MACROD2: variants seen among roughly 807,000 people sequenced by gnomAD.
The protein encoded by MACROD2 is mono-ADP ribosylhydrolase 2.
Under a neutral mutation model 70.4 loss-of-function variants are expected in MACROD2, and 36 were observed. The ratio of observed to expected loss-of-function variants is 0.51; its 90% CI spans 0.39 to 0.68. The LOEUF is 0.68. MACROD2 is among the 30% of genes least tolerant of loss of function. The pLI is 0.00. For missense variants in MACROD2, 496 were observed against 538.4 expected (o/e 0.92, Z 0.78); for synonymous variants, 172 against 178.8 (o/e 0.96, Z 0.30).
intron 5 of MACROD2, among the ~76,000 whole-genome samples, chr20:14,797,640 C>A (rs1391937595): frequency 6.6e-6 from 1 of 152,102 alleles, no homozygotes; most frequent in Non-Finnish European, 1.5e-5. Flanking sequence ...CCGGGTTCAG[C>A]CCTATCCCTT....
intron 5 of MACROD2, among the ~76,000 whole-genome samples, chr20:14,906,723 C>A (rs6074815): frequency 6.6e-6 from 1 of 152,096 alleles, no homozygotes; most frequent in African/African-American, 2.4e-5. Flanking sequence ...AATAAAAGAA[C>A]AGGATCTTTT....
At chr20:15,407,804 G>C (rs1368600865) in intron 6 of MACROD2, among the ~76,000 whole-genome samples, 1 of 152,204 alleles carries the variant, frequency 6.6e-6, no homozygotes, top group Non-Finnish European at 1.5e-5. Context: ...ATAAGGTCAG[G>C]TGTAGTTACT....
chr20:14,654,215 G>A (rs958030657), intron 4 of MACROD2, among the ~76,000 whole-genome samples: 1 of 151,876 alleles, frequency 6.6e-6, no homozygotes, highest in East Asian at 1.9e-4. Flanking sequence ...AGCCACATCA[G>A]TTACAGTTAT....
intron 8 of MACROD2, among the ~76,000 whole-genome samples, chr20:15,597,308 G>A (rs1311974942): frequency 6.6e-6 from 1 of 152,212 alleles, no homozygotes. Flanking sequence ...CATGAAAAAT[G>A]TAAAAGATTA....
intron 8 of MACROD2, among the ~76,000 whole-genome samples, chr20:15,537,741 T>TCCCCAAAA (rs1275779698): frequency 6.6e-6 from 1 of 152,180 alleles, no homozygotes; most frequent in African/African-American, 2.4e-5. Flanking sequence ...CCCAAAGTGC[T>TCCCCAAAA]GGGATTACAG....
At chr20:15,359,578 C>G (rs2078328453) in intron 6 of MACROD2, among the ~76,000 whole-genome samples, 1 of 151,180 alleles carries the variant, frequency 6.6e-6, no homozygotes, top group South Asian at 2.1e-4. Context: ...TTCCTGCTCT[C>G]AAGACTTGGA....
intron 5 of MACROD2, among the ~76,000 whole-genome samples, chr20:14,943,629 A>C (rs2074407712): frequency 6.6e-6 from 1 of 152,164 alleles, no homozygotes; most frequent in African/African-American, 2.4e-5. Context: ...GATTCCCCCT[A>C]AACAAAGTAA....
chr20:14,154,990 C>T (rs1232141242), intron 3 of MACROD2, among the ~76,000 whole-genome samples: 1 of 152,168 alleles, frequency 6.6e-6, no homozygotes, highest in Non-Finnish European at 1.5e-5. Context: ...CTCACCAGCA[C>T]TCAACACTGG....
intron 7 of MACROD2, among the ~76,000 whole-genome samples, chr20:15,492,791 A>G (rs191565064): frequency 6.6e-6 from 1 of 152,318 alleles, no homozygotes; most frequent in Admixed American, 6.5e-5. Flanking sequence ...AAGAGTTGGC[A>G]GGAATAGAGA....
chr20:15,459,422 T>G (rs1032660581), intron 7 of MACROD2, among the ~76,000 whole-genome samples: 1 of 152,150 alleles, frequency 6.6e-6, no homozygotes, highest in East Asian at 1.9e-4. Context: ...CTGAAACAGC[T>G]TCTTAATACC....
chr20:14,949,829 A>G (rs537270008), intron 5 of MACROD2, among the ~76,000 whole-genome samples: 10 of 152,270 alleles, frequency 6.6e-5, no homozygotes, highest in Middle Eastern at 3.4e-3. Flanking sequence ...CACTTAATGT[A>G]TCTTATCTCT....
At chr20:15,689,873 AG>A (rs2050277078) in intron 8 of MACROD2, among the ~76,000 whole-genome samples, 1 of 152,212 alleles carries the variant, frequency 6.6e-6, no homozygotes, top group African/African-American at 2.4e-5. Flanking sequence ...TGACATCAGA[AG>A]TCAGTCCATG....
chr20:15,723,201 C>T (rs1212446659), intron 8 of MACROD2, among the ~76,000 whole-genome samples: 1 of 152,160 alleles, frequency 6.6e-6, no homozygotes, highest in African/African-American at 2.4e-5. Context: ...GTACCCACCA[C>T]CCCCACACAA....
chr20:14,423,258 TG>T (rs2122900626), intron 3 of MACROD2, among the ~76,000 whole-genome samples: 1 of 152,230 alleles, frequency 6.6e-6, no homozygotes. Context: ...GGTTTTTTTT[TG>T]TTTTTGTTTT....
intron 15 of MACROD2, among the ~76,000 whole-genome samples, chr20:15,994,877 A>G (rs376748862): frequency 2.0e-5 from 3 of 152,320 alleles, no homozygotes; most frequent in South Asian, 4.1e-4. Context: ...GATAAATTGT[A>G]TCATCGTGTC....
intron 5 of MACROD2, among the ~76,000 whole-genome samples, chr20:14,778,942 A>G (rs1425618845): frequency 6.6e-6 from 1 of 152,122 alleles, no homozygotes; most frequent in African/African-American, 2.4e-5. Flanking sequence ...CTAGAATAAA[A>G]ATCTCTCAAT....
At chr20:15,379,701 T>C (rs2045614337) in intron 6 of MACROD2, among the ~76,000 whole-genome samples, 1 of 152,190 alleles carries the variant, frequency 6.6e-6, no homozygotes, top group African/African-American at 2.4e-5. Flanking sequence ...CATCCTAGTT[T>C]GTCATTATTT....
At chr20:15,591,459 C>T (rs1215294475) in intron 8 of MACROD2, among the ~76,000 whole-genome samples, 1 of 152,042 alleles carries the variant, frequency 6.6e-6, no homozygotes, top group East Asian at 1.9e-4. Flanking sequence ...TCCTCTGCTT[C>T]CAGGGCCTGT....
intron 4 of MACROD2, among the ~76,000 whole-genome samples, chr20:14,674,529 T>C (rs2070835248): frequency 6.6e-6 from 1 of 152,132 alleles, no homozygotes; most frequent in Non-Finnish European, 1.5e-5. Flanking sequence ...ATTTTAAAGA[T>C]GAGAAAATCA....
Sources: gnomAD v4.1 joint callset for allele counts (sites outside exome capture counted in the v4.1 genomes callset) on GRCh38, gnomAD v4.1.1 for gene constraint, MANE v1.5 for transcripts, NCBI Gene and HGNC (gene_info 2026-07-23, HGNC 2026-07-21) for gene names.